MTA3: variants seen among roughly 807,000 people sequenced by gnomAD.
The protein encoded by MTA3 is metastasis associated 1 family member 3, also known as metastasis-associated protein MTA3.
A neutral mutation model predicts 83.5 loss-of-function variants in MTA3; 34 were observed. That is an observed-to-expected ratio of 0.41 (90% CI 0.31 to 0.54). The LOEUF is 0.54. MTA3 is among the 20% of genes least tolerant of loss of function. The pLI, the probability that MTA3 is intolerant of heterozygous loss-of-function variation, is 0.33. For missense variants in MTA3, 761 were observed against 726.4 expected (o/e 1.05, Z -0.55); for synonymous variants, 303 against 252.7 (o/e 1.20, Z -1.89).
At chr2:42,692,116 C>T (rs1447215106) in intron 9 of MTA3, among the ~76,000 whole-genome samples, 1 of 152,132 alleles carries the variant, frequency 6.6e-6, no homozygotes, top group African/African-American at 2.4e-5. Flanking sequence ...TCTTTCAAGG[C>T]TATTTTCTAG....
intron 16 of MTA3, among the ~76,000 whole-genome samples, chr2:42,735,290 C>T (rs2104570812): frequency 6.6e-6 from 1 of 152,226 alleles, no homozygotes; most frequent in South Asian, 2.1e-4. Flanking sequence ...TCGTGACACT[C>T]TATTCTGGCC....
intron 4 of MTA3, among the ~76,000 whole-genome samples, chr2:42,636,909 G>A (rs1294378919): frequency 1.3e-5 from 2 of 152,160 alleles, no homozygotes; most frequent in African/African-American, 4.8e-5. Context: ...ATAGGCATGA[G>A]CCACTGCGCC....
chr2:42,527,689 G>A (rs1430299666), intron 2 of MTA3, among the ~76,000 whole-genome samples: 1 of 151,598 alleles, frequency 6.6e-6, no homozygotes, highest in Non-Finnish European at 1.5e-5. Flanking sequence ...CTGATGAATG[G>A]CATCAAGAAA....
At chr2:42,628,020 G>C (rs1686289529) in intron 4 of MTA3, among the ~76,000 whole-genome samples, 1 of 151,774 alleles carries the variant, frequency 6.6e-6, no homozygotes, top group Non-Finnish European at 1.5e-5. Flanking sequence ...AAGTAGGTGG[G>C]ATTACAGGTG....
intron 14 of MTA3, among the ~76,000 whole-genome samples, chr2:42,717,292 G>A (rs1007716078): frequency 6.6e-6 from 1 of 152,000 alleles, no homozygotes; most frequent in Non-Finnish European, 1.5e-5. Context: ...GCCCAGAAAT[G>A]TCTCAGTTTG....
intron 3 of MTA3, among the ~76,000 whole-genome samples, chr2:42,605,001 C>T (rs1683073788): frequency 6.6e-6 from 1 of 150,562 alleles, no homozygotes; most frequent in East Asian, 2.0e-4. Flanking sequence ...ACAGACACGG[C>T]AACCATCCGA....
At chr2:42,554,017 T>C (rs570653283) in intron 2 of MTA3, among the ~76,000 whole-genome samples, 6 of 151,250 alleles carry the variant, frequency 4.0e-5, no homozygotes, top group Non-Finnish European at 8.8e-5. Context: ...GTGGATCACC[T>C]GAGGTCAGGA....
At chr2:42,605,390 G>C (rs1573210249) in intron 3 of MTA3, among the ~76,000 whole-genome samples, 1 of 30,462 alleles carries the variant, frequency 3.3e-5, no homozygotes, top group Non-Finnish European at 5.6e-5. Flanking sequence ...CGGGCGGGGG[G>C]CTGACCCCCC....
At chr2:42,712,849 TA>T (rs902337483) in intron 14 of MTA3, 65 of 146,920 alleles carry the variant, frequency 4.4e-4, no homozygotes, top group African/African-American at 1.1e-3. Flanking sequence ...CATATTTTAT[TA>T]AAAAAAAAAA....
At chr2:42,674,954 T>C (rs1238991339) in intron 8 of MTA3, among the ~76,000 whole-genome samples, 1 of 151,532 alleles carries the variant, frequency 6.6e-6, no homozygotes, top group Non-Finnish European at 1.5e-5. Flanking sequence ...TGTGCCCAGC[T>C]AATTAAAATT....
intron 8 of MTA3, among the ~76,000 whole-genome samples, chr2:42,680,915 G>GTT (rs5830736): frequency 9.9e-5 from 15 of 151,922 alleles, no homozygotes; most frequent in Non-Finnish European, 1.2e-4. Context: ...CACCATGCCT[G>GTT]TTTTTTTGTA....
intron 2 of MTA3, among the ~76,000 whole-genome samples, chr2:42,555,462 A>AAG (rs1294051485): frequency 1.3e-5 from 2 of 149,614 alleles, no homozygotes; most frequent in African/African-American, 4.9e-5. Flanking sequence ...TCTCAAAAAA[A>AAG]AAAAAAAAAA....
intron 2 of MTA3, among the ~76,000 whole-genome samples, chr2:42,542,617 C>T (rs7557174): frequency 0.34 from 51,620 of 151,782 alleles, 8,856 homozygotes; most frequent in South Asian, 0.41. Context: ...AGTGGCATGA[C>T]CTTAGCTCAC....
intron 2 of MTA3, among the ~76,000 whole-genome samples, chr2:42,520,235 G>A (rs903082258): frequency 1.3e-5 from 2 of 152,268 alleles, no homozygotes; most frequent in East Asian, 1.9e-4. Context: ...AAGTGTTTGT[G>A]TTCCAAACCC....
intron 12 of MTA3, among the ~76,000 whole-genome samples, chr2:42,707,438 G>C (rs1420961980): frequency 6.6e-6 from 1 of 151,936 alleles, no homozygotes; most frequent in African/African-American, 2.4e-5. Flanking sequence ...CAGTAGAGAC[G>C]GGGTTTCACC....
intron 2 of MTA3, among the ~76,000 whole-genome samples, chr2:42,503,242 A>G (rs1038040065): frequency 1.7e-4 from 26 of 152,286 alleles, no homozygotes; most frequent in African/African-American, 5.1e-4. Flanking sequence ...TTTAGACCAT[A>G]TAGGGTAACT....
chr2:42,555,046 G>A (rs1008553136), intron 2 of MTA3, among the ~76,000 whole-genome samples: 1 of 152,082 alleles, frequency 6.6e-6, no homozygotes, highest in Admixed American at 6.6e-5. Context: ...CTAGCTACTC[G>A]GTAGGCTGAG....
At chr2:42,524,884 A>T (rs1675611141) in intron 2 of MTA3, among the ~76,000 whole-genome samples, 12 of 140 alleles carry the variant, frequency 0.086, no homozygotes, top group South Asian at 0.46. Flanking sequence ...CCAGGCCTGA[A>T]GGCATCCTGG....
At chr2:42,559,899 A>AG (rs1677584009) in intron 2 of MTA3, among the ~76,000 whole-genome samples, 1 of 139,018 alleles carries the variant, frequency 7.2e-6, no homozygotes, top group African/African-American at 2.8e-5. Flanking sequence ...ACTCCATCTC[A>AG]AAAAAAAAAA....
Sources: gnomAD v4.1 joint callset for allele counts (sites outside exome capture counted in the v4.1 genomes callset) on GRCh38, gnomAD v4.1.1 for gene constraint, MANE v1.5 for transcripts, NCBI Gene and HGNC (gene_info 2026-07-23, HGNC 2026-07-21) for gene names.